Variants in SIM1 observed in about 807,000 individuals in gnomAD.
SIM1 encodes the protein SIM bHLH transcription factor 1.
A neutral mutation model predicts 78.2 loss-of-function variants in SIM1; 18 were observed. The observed-to-expected ratio is 0.23, with a 90% CI of 0.16 to 0.34. SIM1 has a LOEUF of 0.34. Among genes scored for constraint, SIM1 ranks in the 10% least tolerant of loss-of-function variants. The pLI is 1.00. For missense variants in SIM1, 939 were observed against 975.1 expected (o/e 0.96, Z 0.49); for synonymous variants, 417 against 385.2 (o/e 1.08, Z -0.97).
intron 10 of SIM1, among the ~76,000 whole-genome samples, chr6:100,403,888 G>A (rs1183490248): frequency 6.6e-6 from 1 of 152,048 alleles, no homozygotes. Context: ...AACAAATAAG[G>A]TTCAAAAAAT....
chr6:100,415,946 C>T (rs1009112652), intron 10 of SIM1, among the ~76,000 whole-genome samples: 4 of 152,126 alleles, frequency 2.6e-5, no homozygotes, highest in Admixed American at 6.6e-5. Flanking sequence ...TAAGCACATT[C>T]CTTTTCCTTC....
Position 100,449,455 on chromosome 6 carries a change from G to C in SIM1, c.458-7C>G, listed in dbSNP as rs752857981. On this transcript the variant is annotated splice_region_variant and splice_polypyrimidine_tract_variant and intron_variant, in intron 5 of 11. Transcript: ENST00000369208. ...GAGCGCTCGATCTCATACTCTGGGA[G>C]AGAGGAACGAAGGGAAGCTCAGGTC... is the stretch of plus-strand genomic sequence containing the variant. 1 of 1,612,822 alleles carries C rather than the reference G, an allele frequency of 6.2e-7. No individual in the cohort carries two copies. Among genetic ancestry groups the C allele is most frequent in the Admixed American group, 1.7e-5 (1 of 60,012 alleles).
intron 10 of SIM1, among the ~76,000 whole-genome samples, chr6:100,418,211 G>A: frequency 6.6e-6 from 1 of 151,680 alleles, no homozygotes; most frequent in East Asian, 1.9e-4. Flanking sequence ...AATTAATGGG[G>A]CACATTGTTG....
At chr6:100,460,207 A>G (rs1772805442) in intron 2 of SIM1, among the ~76,000 whole-genome samples, 1 of 152,220 alleles carries the variant, frequency 6.6e-6, no homozygotes, top group East Asian at 1.9e-4. Flanking sequence ...ATAAAAGCTG[A>G]AACTTGCCCC....
intron 9 of SIM1, among the ~76,000 whole-genome samples, chr6:100,434,216 C>T (rs1484859865): frequency 2.0e-5 from 3 of 152,202 alleles, no homozygotes; most frequent in Admixed American, 6.5e-5. Flanking sequence ...CCACTCTGCC[C>T]TCCCCTTTGT....
intron 10 of SIM1, among the ~76,000 whole-genome samples, chr6:100,418,282 A>C (rs932528497): frequency 6.6e-6 from 1 of 151,978 alleles, no homozygotes; most frequent in African/African-American, 2.4e-5. Flanking sequence ...GCTTGAGCCT[A>C]GGAGTTTGAG....
In SIM1 at chr6:100,403,317, G is replaced by C. The variant is rs546862066; in HGVS notation, c.1168-9428C>G. ...TTCAGATGACATCCACAGTCCCCCA[G>C]CTCTCCCCTGGAATTCAGCTTATAA... is the stretch of plus-strand genomic sequence containing the variant. On this transcript the variant is annotated intron_variant, in intron 10 of 11. Transcript: ENST00000369208. Among the ~76,000 whole-genome samples the C allele has an allele frequency of 1.2e-3, 188 of 152,290 alleles. 1 individual carries two copies. Among genetic ancestry groups the C allele is most frequent in the African/African-American group, 4.4e-3 (182 of 41,562 alleles).
intron 9 of SIM1, among the ~76,000 whole-genome samples, chr6:100,427,601 G>A (rs535917261): frequency 6.6e-6 from 1 of 152,330 alleles, no homozygotes; most frequent in East Asian, 1.9e-4. Context: ...ATTGTGAAAT[G>A]TTGATATGTG....
chr6:100,458,340 C>T (rs1772742605), intron 2 of SIM1, among the ~76,000 whole-genome samples: 2 of 152,216 alleles, frequency 1.3e-5, no homozygotes. Flanking sequence ...TCCCTAGAGG[C>T]CCGCGCTGGC....
rs1771563219 is a variant in SIM1, at chr6:100,420,929, G to A, written c.1028C>T (p.Ser343Phe). The change falls in exon 10 of 12, where the codon TCC (serine) becomes TTC (phenylalanine). Residue 343 changes from serine to phenylalanine, a missense_variant. By Grantham distance (155) the Ser-to-Phe change is radical. This residue lies in a region of SIM1 where 66 missense variants were observed against 108.4 expected (regional missense o/e 0.61). Transcript: ENST00000369208. ...TTTGGAGGCTGAGATCTGATCCAGG[G>A]AGAGCTGCAGCCCTTTGTATTCTGT... ...TDTEYKGLQL[S>F]LDQISASKPA... 1 of 1,613,710 alleles carries A rather than the reference G, an allele frequency of 6.2e-7. No individual in the cohort carries two copies. The highest frequency in any genetic ancestry group is 8.5e-7 in the Non-Finnish European group (1 of 1,179,932).
At chr6:100,446,072 A>G (rs886793069) in intron 9 of SIM1, among the ~76,000 whole-genome samples, 6 of 152,216 alleles carry the variant, frequency 3.9e-5, no homozygotes, top group African/African-American at 7.2e-5. Context: ...CCTAATTGCC[A>G]GCTACTATTC....
chr6:100,449,323 T>C (rs767666368), intron 6 of SIM1, 40 bp downstream of exon 6: 1 of 1,558,372 alleles, frequency 6.4e-7, no homozygotes, highest in South Asian at 1.1e-5. Context: ...GCTTCCCGCC[T>C]CCTCTGACTC....
chr6:100,460,896 C>T (rs1336645357), intron 2 of SIM1, among the ~76,000 whole-genome samples: 1 of 152,190 alleles, frequency 6.6e-6, no homozygotes, highest in African/African-American at 2.4e-5. Flanking sequence ...AAAAACTCAT[C>T]CCTAGGAGCC....
chr6:100,464,552 C>G (rs953461652), intron 1 of SIM1, 62 bp downstream of exon 1: 1 of 152,114 alleles, frequency 6.6e-6, no homozygotes, highest in Non-Finnish European at 1.5e-5. Flanking sequence ...GCGGCCTCTC[C>G]CACACCACCG....
chr6:100,412,887 C>T (rs1407037662), intron 10 of SIM1, among the ~76,000 whole-genome samples: 1 of 152,100 alleles, frequency 6.6e-6, no homozygotes. Context: ...CAAGCTACAC[C>T]AGGAGTTTAT....
intron 9 of SIM1, among the ~76,000 whole-genome samples, chr6:100,434,297 A>G (rs1353259457): frequency 1.3e-5 from 2 of 152,204 alleles, no homozygotes; most frequent in East Asian, 3.8e-4. Flanking sequence ...AACACAACAA[A>G]TACTTCACTA....
intron 3 of SIM1, among the ~76,000 whole-genome samples, chr6:100,453,115 A>C (rs1047392963): frequency 1.3e-5 from 2 of 152,230 alleles, no homozygotes; most frequent in South Asian, 4.1e-4. Context: ...TAAGTAGGCA[A>C]AGAGCAAGTT....
At position 100,402,165 on chromosome 6, in the gene SIM1, A is replaced by G. The variant is rs191410837; in HGVS notation, c.1168-8276T>C. Among the ~76,000 whole-genome samples, 424 of 152,336 alleles carry G rather than the reference A, an allele frequency of 2.8e-3. 6 individuals carry two copies. Among genetic ancestry groups the G allele is most frequent in the African/African-American group, 9.7e-3 (402 of 41,572 alleles). On this transcript the variant is annotated intron_variant, in intron 10 of 11. Transcript: ENST00000369208. ...TAAAGGTCCTTGATTAATCACTTTC[A>G]CTTAGGTAAACAGAAATGGTTACCA...
chr6:100,457,256 T>C (rs1368655158), intron 2 of SIM1, among the ~76,000 whole-genome samples: 1 of 152,228 alleles, frequency 6.6e-6, no homozygotes, highest in Non-Finnish European at 1.5e-5. Context: ...TACATCTCAA[T>C]AGAAATGTAT....
Sources: gnomAD v4.1 joint callset for allele counts (sites outside exome capture counted in the v4.1 genomes callset) on GRCh38, gnomAD v4.1.1 for gene constraint, gnomAD v4.1.1 regional missense constraint, MANE v1.5 for transcripts, NCBI Gene and HGNC (gene_info 2026-07-23, HGNC 2026-07-21) for gene names.